Variants in SLTM observed in about 807,000 individuals in gnomAD.
SLTM encodes the protein SAFB like transcription modulator, also known as SAFB-like transcription modulator.
SLTM carries 43 observed loss-of-function variants against 134.6 expected under a neutral mutation model. The observed-to-expected ratio is 0.32, with a 90% CI of 0.25 to 0.41. The LOEUF (loss-of-function observed/expected upper bound fraction) is 0.41, where lower values mean the gene tolerates loss of function less well. SLTM is among the 10% of genes least tolerant of loss of function. The pLI, the probability that SLTM is intolerant of heterozygous loss-of-function variation, is 1.00. For synonymous variants in SLTM, 424 were observed against 432.3 expected (o/e 0.98, Z 0.24); for missense variants, 1,055 against 1,288.8 (o/e 0.82, Z 2.78).
intron 2 of SLTM, among the ~76,000 whole-genome samples, chr15:58,928,320 C>A (rs1769268157): frequency 6.6e-6 from 1 of 152,168 alleles, no homozygotes; most frequent in Non-Finnish European, 1.5e-5. Context: ...ACCTGTTTAA[C>A]TACTTTTTAA....
chr15:58,912,501 G>C, intron 5 of SLTM, 62 bp downstream of exon 5: 1 of 1,321,310 alleles, frequency 7.6e-7, no homozygotes, highest in Non-Finnish European at 1.1e-6. Flanking sequence ...GTCAAAATAA[G>C]ATTCCTTTTC....
At chr15:58,920,547 C>A (rs543516947) in intron 2 of SLTM, among the ~76,000 whole-genome samples, 1 of 151,536 alleles carries the variant, frequency 6.6e-6, no homozygotes, top group African/African-American at 2.4e-5. Flanking sequence ...CACCTGAACC[C>A]GGGAGGTGGA....
chr15:58,893,842 T>C lies in SLTM; in HGVS notation c.1627A>G (p.Ser543Gly). Residue 543 changes from serine to glycine, a missense_variant, in exon 12 of 21, where the codon AGT becomes GGT. Ser to Gly is a moderately conservative substitution (Grantham distance 56). Around this residue, in one of 3 missense-constraint regions of SLTM, gnomAD observed 776 missense variants for 962.2 expected, o/e 0.81. Transcript: ENST00000380516. ...SGQTSESIKK[S>G]EEKKRISSKS... Reference sequence around the variant, plus strand: ...ATACTTATTCGCTTCTTTTCTTCACTTTTTTTAATCGATTCTGATGTTTGG... The same window carrying C: ...ATACTTATTCGCTTCTTTTCTTCACCTTTTTTAATCGATTCTGATGTTTGG... 6.2e-7 allele frequency: 1 copy of C among 1,609,492 alleles called. No individual in the cohort carries two copies. The highest frequency in any genetic ancestry group is 8.5e-7 in the Non-Finnish European group (1 of 1,178,946).
At chr15:58,911,526 T>C (rs1217235371) in intron 5 of SLTM, among the ~76,000 whole-genome samples, 2 of 152,196 alleles carry the variant, frequency 1.3e-5, no homozygotes, top group East Asian at 3.8e-4. Context: ...GGGGGATGCA[T>C]GCATTTATCA....
intron 2 of SLTM, among the ~76,000 whole-genome samples, chr15:58,926,880 G>C (rs150458452): frequency 1.3e-5 from 2 of 152,134 alleles, no homozygotes; most frequent in Non-Finnish European, 2.9e-5. Context: ...CCAAAGTGCT[G>C]AGATTATAGG....
chr15:58,910,587 A>G (rs1008923822), intron 5 of SLTM, among the ~76,000 whole-genome samples: 3 of 152,192 alleles, frequency 2.0e-5, no homozygotes, highest in African/African-American at 7.2e-5. Context: ...TGATGCCTTC[A>G]TGCAACTCAC....
chr15:58,908,223 G>A (rs1222081659), intron 5 of SLTM, among the ~76,000 whole-genome samples: 1 of 151,774 alleles, frequency 6.6e-6, no homozygotes, highest in Non-Finnish European at 1.5e-5. Flanking sequence ...ACCACACCCA[G>A]CTAACTTTTG....
chr15:58,923,494 C>A (rs1278204277), intron 2 of SLTM, among the ~76,000 whole-genome samples: 1 of 152,192 alleles, frequency 6.6e-6, no homozygotes, highest in Non-Finnish European at 1.5e-5. Context: ...CCTGTCAATA[C>A]ATCCTGTCAC....
intron 5 of SLTM, among the ~76,000 whole-genome samples, chr15:58,902,759 T>C (rs2035577887): frequency 6.6e-6 from 1 of 151,662 alleles, no homozygotes; most frequent in African/African-American, 2.4e-5. Flanking sequence ...AGTTTTGCTC[T>C]GTCCACCAGG....
intron 2 of SLTM, among the ~76,000 whole-genome samples, chr15:58,929,867 C>T (rs369717038): frequency 2.6e-5 from 4 of 152,052 alleles, no homozygotes; most frequent in African/African-American, 9.7e-5. Context: ...GAATTTGAGA[C>T]AAGAGCATTC....
intron 19 of SLTM, among the ~76,000 whole-genome samples, chr15:58,886,218 AGT>A (rs60261686): frequency 0.16 from 19,240 of 123,980 alleles, 1,188 homozygotes; most frequent in Non-Finnish European, 0.19. Flanking sequence ...GAAAAAGAAG[AGT>A]GTGTGTGTGT....
Position 58,892,980 on chromosome 15 carries a change from C to T in SLTM, c.1815G>A (p.Leu605=), listed in dbSNP as rs1458131210. The change falls in exon 14 of 21, where the codon TTG becomes TTA. Residue 605 remains leucine, a synonymous_variant. Coordinates refer to ENST00000380516, the MANE Select transcript of SLTM (RefSeq NM_024755.4). ...TTTGTTCCTTCATCTTTTCAAAAGG[C>T]AAGATCTCTTTCCTTCTGTAGTCTT... ...RDKDYRRKEI[L]PFEKMKEQRL... 1 of 1,613,480 alleles carries T rather than the reference C, an allele frequency of 6.2e-7. No homozygotes were observed. Among genetic ancestry groups the T allele is most frequent in the East Asian group, 2.2e-5 (1 of 44,862 alleles).
At chr15:58,888,696 C>A in intron 16 of SLTM, 141 bp from the exon 17 acceptor site, 1 of 618,516 alleles carries the variant, frequency 1.6e-6, no homozygotes, top group Non-Finnish European at 2.6e-6. Context: ...ATCAGGAGTA[C>A]AAACTAGCAA....
At chr15:58,880,377 C>T (rs533001518) in intron 20 of SLTM, among the ~76,000 whole-genome samples, 2 of 152,208 alleles carry the variant, frequency 1.3e-5, no homozygotes, top group African/African-American at 4.8e-5. Context: ...CTTCAGAAGC[C>T]AGTTGTGGAT....
rs369497757 is a variant in SLTM, at chr15:58,879,972, C to A, written c.*27G>T. On this transcript the variant is annotated 3_prime_UTR_variant, in exon 21 of 21. Coordinates refer to ENST00000380516, the MANE Select transcript of SLTM (RefSeq NM_024755.4). The stretch of plus-strand genomic sequence containing the variant: ...TTTACAGGAGATTTCAATAAATTAT[C>A]TTAAAACCTTGGCAGAGAGCTCATT... The A allele has an allele frequency of 6.2e-7, 1 of 1,610,324 alleles. No homozygotes were observed. Among genetic ancestry groups the A allele is most frequent in the Non-Finnish European group, 8.5e-7 (1 of 1,178,042 alleles).
chr15:58,886,315 G>T (rs1419965323), intron 19 of SLTM, among the ~76,000 whole-genome samples: 1 of 149,204 alleles, frequency 6.7e-6, no homozygotes, highest in Non-Finnish European at 1.5e-5. Flanking sequence ...AGCCCAGGCT[G>T]GAGTGCAGTG....
At chr15:58,917,939 A>T (rs1595918063) in intron 2 of SLTM, among the ~76,000 whole-genome samples, 1 of 152,124 alleles carries the variant, frequency 6.6e-6, no homozygotes, top group South Asian at 2.1e-4. Flanking sequence ...TAGTAGAGAC[A>T]GATGGAGTTT....
chr15:58,889,288 C>T (rs1245978759), intron 16 of SLTM, 142 bp downstream of exon 16: 1 of 1,068,104 alleles, frequency 9.4e-7, no homozygotes, highest in African/African-American at 1.6e-5. Flanking sequence ...CTGGGTCTAC[C>T]CCAGTACTGT....
intron 2 of SLTM, among the ~76,000 whole-genome samples, chr15:58,930,863 T>C (rs2037830638): frequency 6.6e-6 from 1 of 151,730 alleles, no homozygotes; most frequent in Non-Finnish European, 1.5e-5. Context: ...AGATAAATGA[T>C]GTTCCTAGTC....
Sources: gnomAD v4.1 joint callset for allele counts (sites outside exome capture counted in the v4.1 genomes callset) on GRCh38, gnomAD v4.1.1 for gene constraint, gnomAD v4.1.1 regional missense constraint, MANE v1.5 for transcripts, NCBI Gene and HGNC (gene_info 2026-07-23, HGNC 2026-07-21) for gene names.